FMN2: variants seen among roughly 807,000 people sequenced by gnomAD.
FMN2 encodes formin-2.
In FMN2, 51 loss-of-function variants were observed where a neutral mutation model predicts 142.3. That is an observed-to-expected ratio of 0.36 (90% CI 0.29 to 0.45). The LOEUF (loss-of-function observed/expected upper bound fraction) is 0.45, where lower values mean the gene tolerates loss of function less well. Among genes scored for constraint, FMN2 ranks in the 20% least tolerant of loss-of-function variants. The pLI, the probability that FMN2 is intolerant of heterozygous loss-of-function variation, is 1.00. For missense variants in FMN2, 1,936 were observed against 2,122.8 expected, an observed-to-expected ratio of 0.91 and a Z score of 1.73; for synonymous variants, 882 against 869.8, an observed-to-expected ratio of 1.01 and a Z score of -0.25.
At chr1:240,445,592 G>T (rs145518153) in intron 16 of FMN2, among the ~76,000 whole-genome samples, 90 of 152,250 alleles carry the variant, frequency 5.9e-4, no homozygotes, top group African/African-American at 2.1e-3. Context: ...AGAAAGATGG[G>T]GGCCATGCAA....
Position 240,213,007 on chromosome 1 carries a change from T to C in FMN2, c.4065+1772T>C, listed in dbSNP as rs184654544. Reference sequence around the variant, plus strand: ...TAAGGGAATACAGATAAGGAAGAAGTCTCCCAGGTTGCCCAAGACTGTAGG... The same window carrying C: ...TAAGGGAATACAGATAAGGAAGAAGCCTCCCAGGTTGCCCAAGACTGTAGG... On this transcript the variant is annotated intron_variant, in intron 6 of 17. Transcript: ENST00000319653. Among the ~76,000 whole-genome samples, 413 of 152,262 alleles carry C rather than the reference T, an allele frequency of 2.7e-3. 3 individuals are homozygous for C. The South Asian group carries it at 0.027, about 10-fold the overall frequency.
chr1:240,294,987 G>C, intron 8 of FMN2, 104 bp downstream of exon 8: 5 of 995,660 alleles, frequency 5.0e-6, no homozygotes, highest in Non-Finnish European at 5.9e-6. Flanking sequence ...AAAGAAATTT[G>C]ATCCGAGTGT....
chr1:240,405,283 A>G (rs1192876927), intron 15 of FMN2, among the ~76,000 whole-genome samples: 1 of 152,184 alleles, frequency 6.6e-6, no homozygotes, highest in Non-Finnish European at 1.5e-5. Flanking sequence ...TTTTTTAAAA[A>G]AATAGAAAGT....
intron 15 of FMN2, among the ~76,000 whole-genome samples, chr1:240,424,870 T>G (rs1201296617): frequency 6.6e-6 from 1 of 152,140 alleles, no homozygotes; most frequent in Non-Finnish European, 1.5e-5. Flanking sequence ...GTCAAAAAAT[T>G]TGCCTCCAGA....
In FMN2 at chr1:240,393,921, A is replaced by G. The variant is rs10926237; in HGVS notation, c.4910+1359A>G. Among the ~76,000 whole-genome samples, 1,020 of 152,318 alleles carry G rather than the reference A, an allele frequency of 6.7e-3. 15 individuals carry two copies. Among genetic ancestry groups the G allele is most frequent in the African/African-American group, 0.022 (921 of 41,578 alleles). ...CAGAAAGCCAATCACTGAGATGAGTATTGCCAGGGAAGAAGGCTTTAATTG... is the reference window on the plus strand; with the variant it reads ...CAGAAAGCCAATCACTGAGATGAGTGTTGCCAGGGAAGAAGGCTTTAATTG... On this transcript the variant is annotated intron_variant, in intron 15 of 17. Transcript: ENST00000319653.
At chr1:240,391,702 A>G (rs1157817710) in intron 14 of FMN2, among the ~76,000 whole-genome samples, 3 of 152,164 alleles carry the variant, frequency 2.0e-5, no homozygotes, top group Non-Finnish European at 4.4e-5. Flanking sequence ...AAAATATCAG[A>G]GAGCATTGCA....
At chr1:240,297,819 G>C (rs1168286054) in intron 8 of FMN2, among the ~76,000 whole-genome samples, 1 of 152,066 alleles carries the variant, frequency 6.6e-6, no homozygotes, top group Non-Finnish European at 1.5e-5. Context: ...ATTTCTCCCA[G>C]TTTTGGAGAC....
intron 13 of FMN2, among the ~76,000 whole-genome samples, chr1:240,344,540 C>T (rs183411550): frequency 3.7e-4 from 57 of 152,184 alleles, no homozygotes; most frequent in African/African-American, 1.3e-3. Context: ...TTTCAGTATT[C>T]TTTGACTTTT....
intron 14 of FMN2, among the ~76,000 whole-genome samples, chr1:240,360,817 C>T (rs768001549): frequency 2.0e-4 from 31 of 152,130 alleles, no homozygotes; most frequent in Middle Eastern, 3.4e-3. Flanking sequence ...TCATGTTCTT[C>T]GTAGGGACGT....
chr1:240,284,345 G>A (rs1478094704), intron 7 of FMN2, among the ~76,000 whole-genome samples: 1 of 152,116 alleles, frequency 6.6e-6, no homozygotes, highest in African/African-American at 2.4e-5. Flanking sequence ...TAAGCTGGGG[G>A]GGAGGATTGA....
intron 5 of FMN2, among the ~76,000 whole-genome samples, chr1:240,209,400 G>A (rs975033338): frequency 7.9e-5 from 12 of 151,278 alleles, no homozygotes; most frequent in African/African-American, 2.7e-4. Context: ...ACAGGCGCCC[G>A]CCACCACGCC....
chr1:240,393,076 A>G (rs1673661394), intron 15 of FMN2, among the ~76,000 whole-genome samples: 1 of 152,106 alleles, frequency 6.6e-6, no homozygotes, highest in Non-Finnish European at 1.5e-5. Context: ...TTCTGTAGAA[A>G]AAAAGAACAA....
chr1:240,142,384 G>A (rs1214243372), intron 2 of FMN2, among the ~76,000 whole-genome samples: 1 of 152,166 alleles, frequency 6.6e-6, no homozygotes, highest in Non-Finnish European at 1.5e-5. Context: ...AATATTAATT[G>A]TATTTTGATT....
intron 15 of FMN2, among the ~76,000 whole-genome samples, chr1:240,404,498 T>C (rs906326637): frequency 2.6e-5 from 4 of 152,158 alleles, no homozygotes; most frequent in Admixed American, 6.5e-5. Context: ...CTTAATAATA[T>C]TGATAATGTA....
intron 6 of FMN2, among the ~76,000 whole-genome samples, chr1:240,231,849 T>C (rs1287549995): frequency 6.6e-6 from 1 of 152,220 alleles, no homozygotes; most frequent in African/African-American, 2.4e-5. Context: ...TCCGGTCTTA[T>C]CATCCTCTGA....
chr1:240,250,553 T>C (rs1226978061), intron 6 of FMN2, among the ~76,000 whole-genome samples: 2 of 152,114 alleles, frequency 1.3e-5, no homozygotes, highest in African/African-American at 4.8e-5. Context: ...TTCTTTTTTG[T>C]TGTATTCTTG....
intron 14 of FMN2, among the ~76,000 whole-genome samples, chr1:240,374,317 A>G (rs763206007): frequency 2.6e-4 from 40 of 152,218 alleles, no homozygotes; most frequent in Admixed American, 4.6e-4. Context: ...ATTAGCCCCT[A>G]CAAAGAAATT....
chr1:240,351,051 T>A (rs768278963), intron 13 of FMN2, among the ~76,000 whole-genome samples: 7 of 151,382 alleles, frequency 4.6e-5, no homozygotes, highest in Admixed American at 6.6e-5. Flanking sequence ...ATGGAGACTG[T>A]CTCATAGGAG....
At chr1:240,372,236 A>G (rs1672892718) in intron 14 of FMN2, among the ~76,000 whole-genome samples, 1 of 152,134 alleles carries the variant, frequency 6.6e-6, no homozygotes, top group Non-Finnish European at 1.5e-5. Flanking sequence ...ACTCCATCTC[A>G]AAAAACAAAA....
Sources: gnomAD v4.1 joint callset for allele counts (sites outside exome capture counted in the v4.1 genomes callset) on GRCh38, gnomAD v4.1.1 for gene constraint, MANE v1.5 for transcripts, NCBI Gene and HGNC (gene_info 2026-07-23, HGNC 2026-07-21) for gene names.